Variants in ATP8B4 observed in about 807,000 individuals in gnomAD.
ATP8B4 encodes the protein ATPase phospholipid transporting 8B4 (putative).
A neutral mutation model predicts 145.6 loss-of-function variants in ATP8B4; 133 were observed. The observed-to-expected ratio is 0.91, with a 90% CI of 0.79 to 1.05. The LOEUF (loss-of-function observed/expected upper bound fraction) is 1.05. Ranked by LOEUF, ATP8B4 falls within the 50% of genes least tolerant of loss-of-function variation. The probability of loss-of-function intolerance (pLI) is 0.00; values close to 1 mark genes in which losing one functional copy is unlikely to be tolerated. For missense variants in ATP8B4, 1,458 were observed against 1,425.2 expected, an observed-to-expected ratio of 1.02 and a Z score of -0.37; for synonymous variants, 507 against 492.9, an observed-to-expected ratio of 1.03 and a Z score of -0.38.
intron 10 of ATP8B4, chr15:49,982,444 T>G (rs113821015): frequency 0.05 from 7,651 of 152,068 alleles, 258 homozygotes; most frequent in Middle Eastern, 0.12. Context: ...GGCCAAATAG[T>G]CTGTAGCCAT....
intron 3 of ATP8B4, among the ~76,000 whole-genome samples, chr15:50,054,794 A>AC (rs2052469047): frequency 7.7e-6 from 1 of 130,166 alleles, no homozygotes; most frequent in Non-Finnish European, 1.6e-5. Context: ...AAAAAAAAAA[A>AC]AAAAAAAAAA....
At chr15:49,897,563 C>G in intron 22 of ATP8B4, 48 bp from the exon 23 acceptor site, 1 of 1,403,022 alleles carries the variant, frequency 7.1e-7, no homozygotes, top group Non-Finnish European at 9.4e-7. Context: ...AAGCCACGAT[C>G]TCTTTTGGAA....
intron 14 of ATP8B4, among the ~76,000 whole-genome samples, chr15:49,942,066 G>A (rs12443320): frequency 0.055 from 8,317 of 152,026 alleles, 495 homozygotes; most frequent in East Asian, 0.3. Context: ...GAGGGTAAGC[G>A]ATAAAAATCT....
chr15:50,165,605 A>G (rs560728984), intron 1 of ATP8B4, among the ~76,000 whole-genome samples: 2 of 152,296 alleles, frequency 1.3e-5, no homozygotes, highest in African/African-American at 4.8e-5. Flanking sequence ...ATGAGGAAAC[A>G]TCAACAGAGA....
chr15:50,021,398 C>G (rs2049559223), intron 6 of ATP8B4, among the ~76,000 whole-genome samples: 1 of 152,212 alleles, frequency 6.6e-6, no homozygotes, highest in Admixed American at 6.5e-5. Flanking sequence ...AATTGGAATT[C>G]TCTATCACTA....
At chr15:50,104,839 C>T (rs776816053) in intron 2 of ATP8B4, among the ~76,000 whole-genome samples, 2 of 123,562 alleles carry the variant, frequency 1.6e-5, no homozygotes, top group Non-Finnish European at 3.7e-5. Context: ...GCCCATCAAT[C>T]AACGAGCAAA....
intron 13 of ATP8B4, among the ~76,000 whole-genome samples, chr15:49,972,109 C>T (rs2045203757): frequency 6.6e-6 from 1 of 152,040 alleles, no homozygotes; most frequent in African/African-American, 2.4e-5. Context: ...ACATCACACA[C>T]CAGGGAGTGT....
rs1200616330 is a variant in ATP8B4 at position 49,897,533 on chromosome 15, AC to A, written c.2474-19del. On this transcript the variant is annotated intron_variant, in intron 22 of 27. Transcript: ENST00000284509. The stretch of plus-strand genomic sequence containing the variant: ...GTGAGCACCTACAAAGGAAAGAGGA[AC>A]ACTGTCACTCCCAAAACAAAGCCAC... The A allele has an allele frequency of 6.7e-7, 1 of 1,487,396 alleles. No homozygotes were observed. Among genetic ancestry groups the A allele is most frequent in the Non-Finnish European group, 9.0e-7 (1 of 1,116,644 alleles). 92.1% of individuals were successfully genotyped at this position (1,487,396 alleles called of 1,614,324 possible). A position where few individuals can be genotyped will look rare whatever the true frequency, so the allele number is the denominator to read the frequency against.
chr15:50,089,580 C>T (rs1471000635), intron 2 of ATP8B4, among the ~76,000 whole-genome samples: 1 of 152,126 alleles, frequency 6.6e-6, no homozygotes, highest in Non-Finnish European at 1.5e-5. Context: ...GATACTATCT[C>T]ACACGAGTCA....
chr15:49,897,154 A>C, intron 23 of ATP8B4, 138 bp downstream of exon 23: 1 of 757,614 alleles, frequency 1.3e-6, no homozygotes, highest in Non-Finnish European at 2.1e-6. Flanking sequence ...TCAATTACAT[A>C]ATTGTAATAC....
intron 6 of ATP8B4, among the ~76,000 whole-genome samples, chr15:50,030,946 G>A (rs549155167): frequency 3.9e-5 from 6 of 152,132 alleles, no homozygotes; most frequent in Non-Finnish European, 2.9e-5. Flanking sequence ...ATAATGTCAC[G>A]GCTCACATAC....
intron 2 of ATP8B4, among the ~76,000 whole-genome samples, chr15:50,095,207 G>A (rs2055890727): frequency 6.6e-6 from 1 of 152,082 alleles, no homozygotes; most frequent in Admixed American, 6.6e-5. Flanking sequence ...GATACTGAGA[G>A]TCTAAAAACT....
At chr15:49,869,099 C>A (rs980054322) in intron 25 of ATP8B4, among the ~76,000 whole-genome samples, 4 of 152,118 alleles carry the variant, frequency 2.6e-5, no homozygotes, top group Admixed American at 2.0e-4. Flanking sequence ...TTAGTAGAGA[C>A]AGGGTTTCGC....
At chr15:49,903,425 C>T (rs1376784662) in intron 20 of ATP8B4, among the ~76,000 whole-genome samples, 1 of 152,172 alleles carries the variant, frequency 6.6e-6, no homozygotes, top group Non-Finnish European at 1.5e-5. Flanking sequence ...CATGCAGAAT[C>T]GCATTAACAG....
At chr15:50,122,844 G>T (rs1422859846), upstream of ATP8B4, among the ~76,000 whole-genome samples, 1 of 152,110 alleles carries the variant, frequency 6.6e-6, no homozygotes, top group East Asian at 1.9e-4. Context: ...GTAAATCATA[G>T]AACATTGTGT....
Position 50,085,961 on chromosome 15 carries a change from ATT to A in ATP8B4, c.29-11778_29-11777del, listed in dbSNP as rs1249181413. On this transcript the variant is annotated intron_variant, in intron 2 of 27. Transcript: ENST00000284509. ...TTTATATATGATATATATCATATAT[ATT>A]TATATATGATATATCAAATATATCA... is the stretch of plus-strand genomic sequence containing the variant. Among the ~76,000 whole-genome samples the A allele has an allele frequency of 5.1e-4, 29 of 57,320 alleles. 1 individual carries two copies. Among genetic ancestry groups the A allele is most frequent in the South Asian group, 1.1e-3 (2 of 1,822 alleles). The allele number at this position is 57,320 out of a possible 152,430, so 37.6% of individuals were successfully genotyped here.
At chr15:49,978,774 ACACAC>A (rs1404734672) in intron 12 of ATP8B4, among the ~76,000 whole-genome samples, 5 of 148,038 alleles carry the variant, frequency 3.4e-5, no homozygotes, top group African/African-American at 1.3e-4. Context: ...ACACACACAC[ACACAC>A]ACACACATGC....
intron 3 of ATP8B4, among the ~76,000 whole-genome samples, chr15:50,069,031 A>G (rs1352149733): frequency 2.0e-5 from 3 of 152,208 alleles, no homozygotes; most frequent in African/African-American, 7.2e-5. Context: ...AATTATTAAC[A>G]TTAACATATT....
At chr15:49,959,966 AAG>A (rs1160805476) in intron 14 of ATP8B4, among the ~76,000 whole-genome samples, 3 of 152,192 alleles carry the variant, frequency 2.0e-5, no homozygotes, top group Non-Finnish European at 2.9e-5. Context: ...AGGGGAAAAA[AAG>A]AGCACTGAAA....
Sources: gnomAD v4.1 joint callset for allele counts (sites outside exome capture counted in the v4.1 genomes callset) on GRCh38, gnomAD v4.1.1 for gene constraint, MANE v1.5 for transcripts, NCBI Gene and HGNC (gene_info 2026-07-23, HGNC 2026-07-21) for gene names.